The following GAB2 variants were observed in gnomAD, a reference collection of about 807,000 sequenced individuals.
The protein encoded by GAB2 is GRB2-associated-binding protein 2.
In GAB2, 26 loss-of-function variants were observed where a neutral mutation model predicts 65.5. The ratio of observed to expected loss-of-function variants is 0.40; its 90% CI spans 0.29 to 0.55. The LOEUF is 0.55. Among genes scored for constraint, GAB2 ranks in the 20% least tolerant of loss-of-function variants. The probability of loss-of-function intolerance (pLI) is 0.53; values close to 1 mark genes in which losing one functional copy is unlikely to be tolerated. For synonymous variants in GAB2, 321 were observed against 329.6 expected, an observed-to-expected ratio of 0.97 and a Z score of 0.28; for missense variants, 884 against 875.8, an observed-to-expected ratio of 1.01 and a Z score of -0.12.
intron 1 of GAB2, among the ~76,000 whole-genome samples, chr11:78,331,708 G>A (rs1305166263): frequency 6.6e-6 from 1 of 151,962 alleles, no homozygotes; most frequent in African/African-American, 2.4e-5. Flanking sequence ...TAGTGCCCAC[G>A]CTGCTCTGGG....
chr11:78,388,687 T>TATCCAAATG (rs1856798152), intron 1 of GAB2, among the ~76,000 whole-genome samples: 1 of 152,194 alleles, frequency 6.6e-6, no homozygotes, highest in Non-Finnish European at 1.5e-5. Flanking sequence ...CTCTTGTCTT[T>TATCCAAATG]ATCCAAATGT....
chr11:78,409,167 GTATAA>G (rs1315127463), intron 1 of GAB2, among the ~76,000 whole-genome samples: 1 of 152,168 alleles, frequency 6.6e-6, no homozygotes, highest in African/African-American at 2.4e-5. Flanking sequence ...TCAGATACTT[GTATAA>G]TATATCAGAT....
chr11:78,284,676 C>T (rs1866426034), intron 1 of GAB2, among the ~76,000 whole-genome samples: 1 of 152,138 alleles, frequency 6.6e-6, no homozygotes, highest in African/African-American at 2.4e-5. Context: ...ATTCCTGGTC[C>T]CCGATGCTCC....
At chr11:78,410,714 G>A (rs534217091) in intron 1 of GAB2, among the ~76,000 whole-genome samples, 2 of 152,280 alleles carry the variant, frequency 1.3e-5, no homozygotes, top group South Asian at 2.1e-4. Context: ...ATATGAAGTA[G>A]ATAATTTGAA....
At chr11:78,398,973 T>C (rs1428802758) in intron 1 of GAB2, among the ~76,000 whole-genome samples, 1 of 152,192 alleles carries the variant, frequency 6.6e-6, no homozygotes, top group African/African-American at 2.4e-5. Flanking sequence ...GGATAACAAC[T>C]CTAACAGATT....
intron 1 of GAB2, among the ~76,000 whole-genome samples, chr11:78,400,628 C>A (rs1232768821): frequency 6.6e-6 from 1 of 152,084 alleles, no homozygotes; most frequent in African/African-American, 2.4e-5. Context: ...TAAGGCCAGG[C>A]GCAGTGGCTC....
chr11:78,356,188 A>G (rs1245697389), intron 1 of GAB2, among the ~76,000 whole-genome samples: 2 of 151,622 alleles, frequency 1.3e-5, no homozygotes, highest in Non-Finnish European at 2.9e-5. Context: ...AAAAGAAAAA[A>G]AAAAAAAAGA....
intron 1 of GAB2, among the ~76,000 whole-genome samples, chr11:78,405,704 G>C (rs921772397): frequency 2.6e-4 from 39 of 152,196 alleles, no homozygotes; most frequent in African/African-American, 9.2e-4. Flanking sequence ...AAGGTGAAGA[G>C]TAGGCGGCAG....
At chr11:78,228,307 A>T (rs1864747175) in intron 3 of GAB2, among the ~76,000 whole-genome samples, 1 of 152,238 alleles carries the variant, frequency 6.6e-6, no homozygotes, top group African/African-American at 2.4e-5. Flanking sequence ...CTTGTGTATG[A>T]TTCTTCATAG....
At chr11:78,374,082 T>C (rs1856604455) in intron 1 of GAB2, among the ~76,000 whole-genome samples, 1 of 152,204 alleles carries the variant, frequency 6.6e-6, no homozygotes, top group Non-Finnish European at 1.5e-5. Flanking sequence ...TCAGAGGGTC[T>C]GACCAAACCA....
chr11:78,371,942 C>T (rs1406156786), intron 1 of GAB2, among the ~76,000 whole-genome samples: 1 of 152,096 alleles, frequency 6.6e-6, no homozygotes, highest in Admixed American at 6.5e-5. Flanking sequence ...ACCTTCATTC[C>T]CATAAACATA....
chr11:78,333,055 T>C (rs1274179097), intron 1 of GAB2, among the ~76,000 whole-genome samples: 2 of 152,162 alleles, frequency 1.3e-5, no homozygotes, highest in Non-Finnish European at 2.9e-5. Flanking sequence ...AGGAGGATAA[T>C]GCTGGGCTTT....
rs568141496 is a variant in GAB2 at position 78,258,596 on chromosome 11, T to A, written c.377-8196A>T. 2.3e-3 allele frequency among the ~76,000 whole-genome samples: 336 copies of A among 144,408 alleles called. 2 individuals are homozygous for A. Among genetic ancestry groups the A allele is most frequent in the South Asian group, 5.0e-3 (23 of 4,572 alleles). 94.7% of individuals were successfully genotyped at this position (144,408 alleles called of 152,430 possible). A position where few individuals can be genotyped will look rare whatever the true frequency, so the allele number is the denominator to read the frequency against. On this transcript the variant is annotated intron_variant, in intron 2 of 9. Transcript: ENST00000361507. ...GAATTATAATTTTTTTTAAATTTTT[T>A]AATTTTCTGTTTTTTTTTTGAGACA... is the stretch of plus-strand genomic sequence containing the variant.
At chr11:78,349,945 A>G (rs144545579) in intron 1 of GAB2, among the ~76,000 whole-genome samples, 1 of 152,336 alleles carries the variant, frequency 6.6e-6, no homozygotes, top group East Asian at 1.9e-4. Flanking sequence ...AAAAGAAAAA[A>G]AAAAGAAAGA....
intron 1 of GAB2, among the ~76,000 whole-genome samples, chr11:78,315,016 A>G (rs1203679191): frequency 6.6e-6 from 1 of 152,246 alleles, no homozygotes; most frequent in East Asian, 1.9e-4. Flanking sequence ...GAGACAGCAG[A>G]TAAAGCTCAG....
At chr11:78,402,693 T>C (rs558300328) in intron 1 of GAB2, among the ~76,000 whole-genome samples, 2 of 152,110 alleles carry the variant, frequency 1.3e-5, no homozygotes, top group African/African-American at 4.8e-5. Context: ...TCAGGTGACC[T>C]GCCCGCCTCG....
chr11:78,417,229 C>T (rs570605184), intron 1 of GAB2, among the ~76,000 whole-genome samples: 1 of 152,110 alleles, frequency 6.6e-6, no homozygotes, highest in Non-Finnish European at 1.5e-5. Flanking sequence ...GTCCGCGCGG[C>T]CCCACAGCCT....
chr11:78,250,038 CGT>C (rs1383553992), intron 3 of GAB2, 117 bp downstream of exon 3: 1 of 1,029,168 alleles, frequency 9.7e-7, no homozygotes, highest in Non-Finnish European at 1.5e-6. Flanking sequence ...TTGTCATAGA[CGT>C]GTTTGTCTAC....
chr11:78,304,737 T>C (rs1220411784), intron 1 of GAB2, among the ~76,000 whole-genome samples: 1 of 152,176 alleles, frequency 6.6e-6, no homozygotes, highest in Non-Finnish European at 1.5e-5. Context: ...CTTTGTATAA[T>C]GTAATATGAA....
Sources: allele counts gnomAD v4.1 joint callset (sites outside exome capture counted in the v4.1 genomes callset), GRCh38; gene constraint gnomAD v4.1.1; transcripts MANE v1.5; gene names NCBI Gene and HGNC (gene_info 2026-07-23, HGNC 2026-07-21).